Variants in KYNU observed in about 807,000 individuals in gnomAD.
KYNU encodes kynureninase, also known as L-kynurenine hydrolase.
In KYNU, 54 loss-of-function variants were observed where a neutral mutation model predicts 59.2. The observed-to-expected ratio is 0.91, with a 90% CI of 0.73 to 1.14. KYNU has a LOEUF of 1.14. Ranked by LOEUF, KYNU falls within the 50% of genes most tolerant of loss-of-function variation. The pLI is 0.00. For synonymous variants in KYNU, 177 were observed against 192.0 expected (o/e 0.92, Z 0.65); for missense variants, 567 against 554.4 (o/e 1.02, Z -0.23).
At chr2:142,934,841 A>G (rs1285412788) in intron 4 of KYNU, among the ~76,000 whole-genome samples, 1 of 152,038 alleles carries the variant, frequency 6.6e-6, no homozygotes, top group East Asian at 1.9e-4. Flanking sequence ...TGACAGTCCA[A>G]CCTCCGGTGG....
chr2:142,997,704 G>T (rs1685582844), intron 10 of KYNU, among the ~76,000 whole-genome samples: 1 of 152,126 alleles, frequency 6.6e-6, no homozygotes, highest in Non-Finnish European at 1.5e-5. Context: ...TGCCAAAGGG[G>T]AAATTGTTCT....
chr2:142,937,014 C>T (rs1170358863), intron 4 of KYNU, among the ~76,000 whole-genome samples: 1 of 152,134 alleles, frequency 6.6e-6, no homozygotes, highest in East Asian at 1.9e-4. Context: ...ATGGCATCAG[C>T]ACCAAGTGAG....
intron 10 of KYNU, among the ~76,000 whole-genome samples, chr2:143,021,697 G>A (rs1686413586): frequency 1.3e-5 from 2 of 152,072 alleles, no homozygotes; most frequent in South Asian, 4.1e-4. Flanking sequence ...AGTACCAAGA[G>A]GGATGGTGCT....
At chr2:142,995,590 A>G (rs1040476846) in intron 10 of KYNU, among the ~76,000 whole-genome samples, 2 of 152,100 alleles carry the variant, frequency 1.3e-5, no homozygotes, top group African/African-American at 4.8e-5. Context: ...TATGTTAGCA[A>G]TATTGTACCT....
intron 10 of KYNU, among the ~76,000 whole-genome samples, chr2:142,992,336 A>G (rs1685419214): frequency 6.6e-6 from 1 of 151,806 alleles, no homozygotes; most frequent in Non-Finnish European, 1.5e-5. Context: ...AAAGTTAAGT[A>G]TACTATAAAA....
At chr2:142,954,251 T>C (rs1219972933) in intron 4 of KYNU, among the ~76,000 whole-genome samples, 1 of 152,100 alleles carries the variant, frequency 6.6e-6, no homozygotes, top group Non-Finnish European at 1.5e-5. Context: ...CTATATTATC[T>C]TTTATCTCAG....
intron 2 of KYNU, among the ~76,000 whole-genome samples, chr2:142,906,962 C>G (rs1682318497): frequency 6.6e-6 from 1 of 152,174 alleles, no homozygotes; most frequent in Admixed American, 6.5e-5. Context: ...CCCAGGAAGC[C>G]TCACACCTGA....
At position 143,001,472 on chromosome 2, in the gene KYNU, AT is replaced by A. The variant is rs1328887709; in HGVS notation, c.902+15452del. The stretch of plus-strand genomic sequence containing the variant: ...TTAATCAGGAGCATAAACAATAGAT[AT>A]AGAGCCCTTAGTAACAAGTATCAAC... On this transcript the variant is annotated intron_variant, in intron 10 of 13. Coordinates refer to ENST00000264170, the MANE Select transcript of KYNU (RefSeq NM_003937.3). Among the ~76,000 whole-genome samples, 5 of 152,244 alleles carry A rather than the reference AT, an allele frequency of 3.3e-5. No individual in the cohort carries two copies. In the East Asian group the frequency reaches 7.7e-4, roughly 23 times the overall value.
chr2:142,969,743 A>G (rs1158254624), intron 8 of KYNU, among the ~76,000 whole-genome samples: 1 of 152,222 alleles, frequency 6.6e-6, no homozygotes, highest in Non-Finnish European at 1.5e-5. Context: ...TATCAAAGCC[A>G]TGAGGGATAT....
chr2:143,039,694 A>G (rs1202538614), intron 12 of KYNU, among the ~76,000 whole-genome samples: 1 of 152,094 alleles, frequency 6.6e-6, no homozygotes, highest in Non-Finnish European at 1.5e-5. Flanking sequence ...TTACAGGTGT[A>G]AGTGTGCATT....
At chr2:142,913,828 T>C (rs1196665214) in intron 2 of KYNU, among the ~76,000 whole-genome samples, 5 of 152,222 alleles carry the variant, frequency 3.3e-5, no homozygotes, top group Admixed American at 6.5e-5. Context: ...ACCATCTAAG[T>C]CTTTTCATAG....
rs1245301958 is a variant in KYNU at position 143,043,846 on chromosome 2, A to C, written c.*1674A>C. The C allele has an allele frequency of 1.4e-5, 2 of 147,660 alleles. No homozygotes were observed. The highest frequency in any genetic ancestry group is 1.4e-4 in the Admixed American group (2 of 14,562). The allele number at this position is 147,660 out of a possible 1,614,324, so 9.1% of individuals were successfully genotyped here. On this transcript the variant is annotated 3_prime_UTR_variant, in exon 14 of 14. Coordinates refer to ENST00000264170, the MANE Select transcript of KYNU (RefSeq NM_003937.3). Reference sequence around the variant, plus strand: ...ATATATATAAAGTATAAATATATATATATTTATACTTTAAGTTCTTGGATA... The same window carrying C: ...ATATATATAAAGTATAAATATATATCTATTTATACTTTAAGTTCTTGGATA...
At chr2:142,974,962 A>G (rs1684842589) in intron 8 of KYNU, among the ~76,000 whole-genome samples, 2 of 152,142 alleles carry the variant, frequency 1.3e-5, no homozygotes. Flanking sequence ...TTAAAATATT[A>G]GGGTATGGCT....
rs1427817840 is a variant in KYNU, at chr2:143,046,057, TATC to T, written c.*3888_*3890del. 6.6e-6 allele frequency: 1 copy of T among 152,146 alleles called. No homozygotes were observed. Among genetic ancestry groups the T allele is most frequent in the Non-Finnish European group, 1.5e-5 (1 of 68,014 alleles). 9.4% of individuals were successfully genotyped at this position (152,146 alleles called of 1,614,324 possible). A position where few individuals can be genotyped will look rare whatever the true frequency, so the allele number is the denominator to read the frequency against. ...AAAATTATATCAAAGTATATAAACA[TATC>T]ATGGAAAACATAATCAGCACCATGT... On this transcript the variant is annotated 3_prime_UTR_variant, in exon 14 of 14. Transcript: ENST00000264170.
chr2:142,986,151 A>G, intron 10 of KYNU, 130 bp downstream of exon 10: 1 of 693,502 alleles, frequency 1.4e-6, no homozygotes, highest in Non-Finnish European at 2.6e-6. Context: ...TTATTTTCCT[A>G]CTCTGCTAAC....
intron 10 of KYNU, among the ~76,000 whole-genome samples, chr2:142,996,036 A>G (rs1287213603): frequency 6.6e-6 from 1 of 152,044 alleles, no homozygotes; most frequent in African/African-American, 2.4e-5. Context: ...CTCACTACAC[A>G]TGGTAGTCTA....
chr2:143,036,507 G>A (rs905014850), intron 12 of KYNU, among the ~76,000 whole-genome samples: 1 of 152,194 alleles, frequency 6.6e-6, no homozygotes, highest in African/African-American at 2.4e-5. Context: ...AGAGGAACAG[G>A]CTGTGACCTA....
Position 143,045,946 on chromosome 2 carries a change from A to G in KYNU, c.*3774A>G, listed in dbSNP as rs1050825643. On this transcript the variant is annotated 3_prime_UTR_variant, in exon 14 of 14. Coordinates refer to ENST00000264170, the MANE Select transcript of KYNU (RefSeq NM_003937.3). ...TGACAAATCATAATTTCTGAAGGGT[A>G]TTAATTAGATGTTTGAGTGAGGGGA... 6.6e-6 allele frequency: 1 copy of G among 152,208 alleles called. No individual in the cohort carries two copies. Among genetic ancestry groups the G allele is most frequent in the African/African-American group, 2.4e-5 (1 of 41,460 alleles). 9.4% of individuals were successfully genotyped at this position (152,208 alleles called of 1,614,324 possible).
At position 143,054,957 on chromosome 2, in the gene KYNU, TTATC is replaced by T. The variant is rs1024555041; in HGVS notation, c.*12788_*12791del. 2.6e-5 allele frequency: 4 copies of T among 152,190 alleles called. No homozygotes were observed. The highest frequency in any genetic ancestry group is 6.5e-5 in the Admixed American group (1 of 15,272). The allele number at this position is 152,190 out of a possible 1,614,324, so 9.4% of individuals were successfully genotyped here. Reference sequence around the variant, plus strand: ...GGAAATTTGAATGAGAAATGTATTTTTATCTAATTTGTTAGCTGTGATAATAGTA... The same window carrying T: ...GGAAATTTGAATGAGAAATGTATTTTTAATTTGTTAGCTGTGATAATAGTA... On this transcript the variant is annotated 3_prime_UTR_variant, in exon 14 of 14. Transcript: ENST00000264170.
Sources: gnomAD v4.1 joint callset for allele counts (sites outside exome capture counted in the v4.1 genomes callset) on GRCh38, gnomAD v4.1.1 for gene constraint, MANE v1.5 for transcripts, NCBI Gene and HGNC (gene_info 2026-07-23, HGNC 2026-07-21) for gene names.